Variants in TFEC observed in about 807,000 individuals in gnomAD.
TFEC encodes the protein transcription factor EC.
Under a neutral mutation model 41.6 loss-of-function variants are expected in TFEC, and 31 were observed. The ratio of observed to expected loss-of-function variants is 0.74; its 90% CI spans 0.56 to 1.01. TFEC has a LOEUF of 1.01. TFEC is among the 50% of genes least tolerant of loss of function. The pLI is 0.00. For missense variants in TFEC, 402 were observed against 404.1 expected, an observed-to-expected ratio of 0.99 and a Z score of 0.04; for synonymous variants, 143 against 140.6, an observed-to-expected ratio of 1.02 and a Z score of -0.12.
intron 3 of TFEC, among the ~76,000 whole-genome samples, chr7:116,058,860 A>C (rs1388621086): frequency 1.3e-5 from 2 of 151,836 alleles, no homozygotes; most frequent in African/African-American, 4.8e-5. Flanking sequence ...GGAGTAAAAC[A>C]GACTTAAATT....
At chr7:116,058,384 C>T (rs896741585) in intron 3 of TFEC, among the ~76,000 whole-genome samples, 5 of 133,758 alleles carry the variant, frequency 3.7e-5, no homozygotes, top group Non-Finnish European at 8.3e-5. Flanking sequence ...AAAGCACAAA[C>T]TATATAGAAT....
intron 1 of TFEC, among the ~76,000 whole-genome samples, chr7:116,150,493 G>A (rs1022134253): frequency 6.6e-6 from 1 of 151,726 alleles, no homozygotes; most frequent in African/African-American, 2.4e-5. Context: ...GGAGAAACTA[G>A]AACTATAATT....
intron 3 of TFEC, among the ~76,000 whole-genome samples, chr7:116,049,356 A>T (rs1796252117): frequency 6.6e-6 from 1 of 152,222 alleles, no homozygotes; most frequent in African/African-American, 2.4e-5. Context: ...CAGACTTTAA[A>T]CCAACAAAGA....
intron 5 of TFEC, among the ~76,000 whole-genome samples, chr7:115,951,633 T>C (rs1322577604): frequency 6.6e-6 from 1 of 152,092 alleles, no homozygotes; most frequent in Non-Finnish European, 1.5e-5. Context: ...AAGATTCTAA[T>C]TTTAGTGTGT....
chr7:116,114,589 G>A (rs1266218220), intron 1 of TFEC, among the ~76,000 whole-genome samples: 1 of 151,922 alleles, frequency 6.6e-6, no homozygotes, highest in African/African-American at 2.4e-5. Context: ...GGGAGACAGA[G>A]AGTTTCTGCA....
At position 115,979,868 on chromosome 7, in the gene TFEC, C is replaced by T. The variant is rs547383386; in HGVS notation, c.180+4394G>A. ...TTCATTTCTTTTATTCTCTCTACCA[C>T]CAATTTTCCTGATTCAGGCTATAAC... On this transcript the variant is annotated intron_variant, in intron 2 of 7. Transcript: ENST00000265440. Among the ~76,000 whole-genome samples, 6 of 152,250 alleles carry T rather than the reference C, an allele frequency of 3.9e-5. No individual in the cohort carries two copies. The East Asian group carries it at 7.7e-4, about 20-fold the overall frequency.
intron 1 of TFEC, among the ~76,000 whole-genome samples, chr7:116,012,000 CT>C (rs1435149425): frequency 6.6e-6 from 1 of 152,162 alleles, no homozygotes; most frequent in Non-Finnish European, 1.5e-5. Flanking sequence ...CAAAATAAAC[CT>C]CTTTCTTCGT....
At chr7:116,073,861 C>G (rs1246546616) in intron 3 of TFEC, among the ~76,000 whole-genome samples, 3 of 151,664 alleles carry the variant, frequency 2.0e-5, no homozygotes. Context: ...ATTGAGAGTC[C>G]AGAAATAATA....
intron 3 of TFEC, among the ~76,000 whole-genome samples, chr7:115,966,917 G>A (rs987514493): frequency 2.6e-5 from 4 of 151,444 alleles, no homozygotes; most frequent in African/African-American, 9.7e-5. Flanking sequence ...AATAACATGG[G>A]GCTAACAAAC....
intron 1 of TFEC, among the ~76,000 whole-genome samples, chr7:115,989,023 G>T (rs1472653746): frequency 6.6e-6 from 1 of 152,092 alleles, no homozygotes; most frequent in African/African-American, 2.4e-5. Flanking sequence ...CCCTTAAAAG[G>T]TAAAGGAGAA....
chr7:116,093,500 T>G (rs1584506771), intron 3 of TFEC, among the ~76,000 whole-genome samples: 1 of 152,144 alleles, frequency 6.6e-6, no homozygotes, highest in Non-Finnish European at 1.5e-5. Context: ...GCTCCACAAT[T>G]TAATATATGA....
At chr7:116,149,357 A>G (rs1382098008) in intron 1 of TFEC, among the ~76,000 whole-genome samples, 1 of 152,192 alleles carries the variant, frequency 6.6e-6, no homozygotes, top group African/African-American at 2.4e-5. Flanking sequence ...TAAATTTGAA[A>G]GCCCAAGTGA....
intron 3 of TFEC, among the ~76,000 whole-genome samples, chr7:115,966,101 A>C (rs997431257): frequency 1.3e-5 from 2 of 151,750 alleles, no homozygotes; most frequent in Non-Finnish European, 2.9e-5. Context: ...CAGTCAAAAA[A>C]TCTGAAATCT....
chr7:116,000,636 G>A (rs1223775487), intron 1 of TFEC, among the ~76,000 whole-genome samples: 2 of 152,024 alleles, frequency 1.3e-5, no homozygotes, highest in Non-Finnish European at 2.9e-5. Context: ...TAACATTTCT[G>A]ATTTCAATAT....
At chr7:115,978,349 T>C (rs1416518037) in intron 2 of TFEC, among the ~76,000 whole-genome samples, 2 of 152,180 alleles carry the variant, frequency 1.3e-5, no homozygotes, top group East Asian at 3.9e-4. Flanking sequence ...ACTGTCAGAA[T>C]TCTGTGGAAA....
chr7:116,042,603 T>C lies in TFEC; in HGVS notation c.199-58090A>G, dbSNP rs1052445260. Among the ~76,000 whole-genome samples the C allele has an allele frequency of 3.9e-5, 6 of 152,326 alleles. No individual in the cohort carries two copies. In the East Asian group the frequency reaches 5.8e-4, roughly 15 times the overall value. On this transcript the variant is annotated intron_variant, in intron 3 of 8. Coordinates refer to the TFEC transcript ENST00000484212. Reference sequence around the variant, plus strand: ...ACATAATTAATAATCTGTAATGACTTTTTATTAACCATAATTGTGGCAAAA... The same window carrying C: ...ACATAATTAATAATCTGTAATGACTCTTTATTAACCATAATTGTGGCAAAA...
At chr7:116,152,536 A>C (rs1562988531) in intron 1 of TFEC, among the ~76,000 whole-genome samples, 1 of 152,208 alleles carries the variant, frequency 6.6e-6, no homozygotes, top group Non-Finnish European at 1.5e-5. Flanking sequence ...CCAGGCAATG[A>C]CTGGAAAGGA....
upstream of TFEC, among the ~76,000 whole-genome samples, chr7:116,032,473 C>T (rs920945999): frequency 2.0e-5 from 3 of 152,072 alleles, no homozygotes; most frequent in Non-Finnish European, 4.4e-5. Context: ...AAATGTGGTA[C>T]ATATACATCA....
chr7:116,085,986 T>C (rs1584497260), intron 3 of TFEC, among the ~76,000 whole-genome samples: 1 of 151,924 alleles, frequency 6.6e-6, no homozygotes, highest in African/African-American at 2.4e-5. Flanking sequence ...GACTCTTACA[T>C]AACCACTGTA....
Sources: gnomAD v4.1 joint callset for allele counts (sites outside exome capture counted in the v4.1 genomes callset) on GRCh38, gnomAD v4.1.1 for gene constraint, MANE v1.5 for transcripts, NCBI Gene and HGNC (gene_info 2026-07-23, HGNC 2026-07-21) for gene names.